The following ASIC2 variants were observed in gnomAD, a reference collection of about 807,000 sequenced individuals.
The protein encoded by ASIC2 is acid sensing ion channel subunit 2, also known as acid-sensing ion channel 2.
In ASIC2, 25 loss-of-function variants were observed where a neutral mutation model predicts 57.3. The ratio of observed to expected loss-of-function variants is 0.44; its 90% CI spans 0.32 to 0.61. ASIC2 has a LOEUF of 0.61. Among genes scored for constraint, ASIC2 ranks in the 20% least tolerant of loss-of-function variants. ASIC2 has a pLI of 0.06. For synonymous variants in ASIC2, 319 were observed against 307.5 expected, an observed-to-expected ratio of 1.04 and a Z score of -0.39; for missense variants, 641 against 738.1, an observed-to-expected ratio of 0.87 and a Z score of 1.52.
chr17:33,474,521 G>C (rs1271081901), intron 1 of ASIC2, among the ~76,000 whole-genome samples: 2 of 152,232 alleles, frequency 1.3e-5, no homozygotes, highest in African/African-American at 2.4e-5. Flanking sequence ...GGATTCAAGG[G>C]GGAACGGAAG....
intron 1 of ASIC2, among the ~76,000 whole-genome samples, chr17:34,079,732 A>AT (rs1909807032): frequency 6.6e-6 from 1 of 152,202 alleles, no homozygotes; most frequent in South Asian, 2.1e-4. Flanking sequence ...ATTTAAGGAA[A>AT]TGCTCTCAAA....
At chr17:33,971,567 G>A (rs1905230174) in intron 1 of ASIC2, among the ~76,000 whole-genome samples, 2 of 152,140 alleles carry the variant, frequency 1.3e-5, no homozygotes, top group African/African-American at 4.8e-5. Context: ...AAGAAGCAAG[G>A]GATGACTTTT....
chr17:33,765,393 C>G, intron 1 of ASIC2, among the ~76,000 whole-genome samples: 1 of 152,102 alleles, frequency 6.6e-6, no homozygotes, highest in Non-Finnish European at 1.5e-5. Context: ...CAGGCGTGAG[C>G]CACCGCGCCC....
chr17:33,464,312 A>G (rs1376628965), intron 1 of ASIC2, among the ~76,000 whole-genome samples: 1 of 152,164 alleles, frequency 6.6e-6, no homozygotes, highest in Non-Finnish European at 1.5e-5. Flanking sequence ...GGGAGTGTGC[A>G]GGGATTTGGA....
chr17:33,860,673 C>T (rs1204777368), intron 1 of ASIC2, among the ~76,000 whole-genome samples: 1 of 152,204 alleles, frequency 6.6e-6, no homozygotes, highest in African/African-American at 2.4e-5. Context: ...GGACTTCTCA[C>T]TATGCCTAGG....
intron 1 of ASIC2, among the ~76,000 whole-genome samples, chr17:33,855,131 G>A (rs1226938377): frequency 6.6e-6 from 1 of 152,156 alleles, no homozygotes; most frequent in South Asian, 2.1e-4. Flanking sequence ...AGTTGCTGGG[G>A]GAAGGTGAAT....
rs571517974 is a variant in ASIC2, at chr17:33,547,045, G to C, written c.556-434978C>G. Among the ~76,000 whole-genome samples, 10 of 152,280 alleles carry C rather than the reference G, an allele frequency of 6.6e-5. No individual in the cohort carries two copies. The East Asian group carries it at 1.7e-3, about 26-fold the overall frequency. ...AGGGTGCATCAGAACCACCTGGAAG[G>C]CTTGTTAAAAAAGGTTGCCAGGCCC... On this transcript the variant is annotated intron_variant, in intron 1 of 9. Coordinates refer to the ASIC2 transcript ENST00000359872.
intron 1 of ASIC2, among the ~76,000 whole-genome samples, chr17:33,782,480 C>T (rs559156495): frequency 6.6e-6 from 1 of 152,020 alleles, no homozygotes; most frequent in Non-Finnish European, 1.5e-5. Flanking sequence ...CCTGTAATTC[C>T]AGCACTTTGG....
chr17:33,069,725 C>A (rs1179621793), intron 3 of ASIC2, among the ~76,000 whole-genome samples: 1 of 151,876 alleles, frequency 6.6e-6, no homozygotes, highest in African/African-American at 2.4e-5. Context: ...CTATTTTTAC[C>A]TTTATATTTA....
At chr17:33,798,705 T>C (rs1911993102) in intron 1 of ASIC2, among the ~76,000 whole-genome samples, 1 of 152,198 alleles carries the variant, frequency 6.6e-6, no homozygotes, top group Non-Finnish European at 1.5e-5. Flanking sequence ...GGTTTTTCAA[T>C]AATCATGAGG....
At chr17:33,569,436 G>A (rs1172488453) in intron 1 of ASIC2, 1 of 152,254 alleles carries the variant, frequency 6.6e-6, no homozygotes, top group Non-Finnish European at 1.5e-5. Context: ...ACACTTTCCT[G>A]AACCATTTCA....
At chr17:33,172,225 T>A (rs553619603) in intron 1 of ASIC2, among the ~76,000 whole-genome samples, 23 of 152,176 alleles carry the variant, frequency 1.5e-4, no homozygotes, top group Non-Finnish European at 2.6e-4. Context: ...CAAATGATCA[T>A]GTCCTAAAGT....
At position 34,012,974 on chromosome 17, in the gene ASIC2, G is replaced by C. The variant is rs369133564; in HGVS notation, c.555+143004C>G. Among the ~76,000 whole-genome samples the C allele has an allele frequency of 5.8e-4, 89 of 152,264 alleles. 2 individuals carry two copies. Among genetic ancestry groups the C allele is most frequent in the African/African-American group, 2.1e-3 (87 of 41,556 alleles). The stretch of plus-strand genomic sequence containing the variant: ...TCCCCCACTTCCCCACCTGGCTCTG[G>C]AGGAGGCAGCCCCCCTGCTTTGAGT... On this transcript the variant is annotated intron_variant, in intron 1 of 9. Coordinates refer to the ASIC2 transcript ENST00000359872.
Position 33,868,243 on chromosome 17 carries a change from A to C in ASIC2, c.555+287735T>G, listed in dbSNP as rs1395610439. Among the ~76,000 whole-genome samples, 5 of 152,136 alleles carry C rather than the reference A, an allele frequency of 3.3e-5. No individual in the cohort carries two copies. The East Asian group carries it at 9.6e-4, about 29-fold the overall frequency. On this transcript the variant is annotated intron_variant, in intron 1 of 9. Coordinates refer to the ASIC2 transcript ENST00000359872. Reference sequence around the variant, plus strand: ...TGAAGGAAGAGATAATAAATATTTCAGACTTACAAGTTATACAATCTCTGT... The same window carrying C: ...TGAAGGAAGAGATAATAAATATTTCCGACTTACAAGTTATACAATCTCTGT...
intron 3 of ASIC2, among the ~76,000 whole-genome samples, chr17:33,088,562 C>CA (rs545052357): frequency 0.33 from 47,620 of 145,512 alleles, 9,039 homozygotes; most frequent in East Asian, 0.48. Context: ...ATCCCCTGGC[C>CA]AAAAAAAAAA....
chr17:33,883,763 T>G (rs763258873), intron 1 of ASIC2, among the ~76,000 whole-genome samples: 14 of 152,214 alleles, frequency 9.2e-5, no homozygotes, highest in Non-Finnish European at 1.9e-4. Flanking sequence ...CCTGAATTCA[T>G]GAATGGACCT....
chr17:33,675,368 G>A (rs947758937), intron 1 of ASIC2, among the ~76,000 whole-genome samples: 6 of 152,152 alleles, frequency 3.9e-5, no homozygotes, highest in African/African-American at 1.4e-4. Flanking sequence ...GAATTCCCAA[G>A]GGGTATCTCT....
intron 1 of ASIC2, among the ~76,000 whole-genome samples, chr17:33,480,629 G>C (rs754457149): frequency 2.6e-5 from 4 of 152,146 alleles, no homozygotes; most frequent in Admixed American, 1.3e-4. Flanking sequence ...CAAGGGGAAG[G>C]GGGGACCATT....
intron 1 of ASIC2, among the ~76,000 whole-genome samples, chr17:34,122,729 C>T (rs1911662847): frequency 6.6e-6 from 1 of 152,196 alleles, no homozygotes; most frequent in African/African-American, 2.4e-5. Flanking sequence ...GCACCCTCCC[C>T]CACTCACACC....
Sources: gnomAD v4.1 joint callset for allele counts (sites outside exome capture counted in the v4.1 genomes callset) on GRCh38, gnomAD v4.1.1 for gene constraint, MANE v1.5 for transcripts, NCBI Gene and HGNC (gene_info 2026-07-23, HGNC 2026-07-21) for gene names.